Variants in L3MBTL4 observed in about 807,000 individuals in gnomAD.
The protein encoded by L3MBTL4 is L3MBTL histone methyl-lysine binding protein 4.
A neutral mutation model predicts 84.5 loss-of-function variants in L3MBTL4; 70 were observed. The observed-to-expected ratio is 0.83, with a 90% confidence interval of 0.68 to 1.01. The LOEUF (loss-of-function observed/expected upper bound fraction) is 1.01. Ranked by LOEUF, L3MBTL4 falls within the 50% of genes least tolerant of loss-of-function variation. The pLI, the probability that L3MBTL4 is intolerant of heterozygous loss-of-function variation, is 0.00. For missense variants in L3MBTL4, 715 were observed against 754.8 expected (o/e 0.95, Z 0.62); for synonymous variants, 274 against 259.8 (o/e 1.05, Z -0.52).
intron 16 of L3MBTL4, among the ~76,000 whole-genome samples, chr18:6,073,440 A>T (rs1046107020): frequency 4.6e-5 from 7 of 152,180 alleles, no homozygotes; most frequent in African/African-American, 1.7e-4. Context: ...AATAAAAAAA[A>T]CTTCAGTTTT....
intron 1 of L3MBTL4, among the ~76,000 whole-genome samples, chr18:6,359,039 A>G (rs2053565633): frequency 6.6e-6 from 1 of 152,216 alleles, no homozygotes; most frequent in Non-Finnish European, 1.5e-5. Flanking sequence ...ATTTTGTGCC[A>G]GTTACTTTCA....
At chr18:6,264,866 C>G (rs934568469) in intron 4 of L3MBTL4, among the ~76,000 whole-genome samples, 7 of 152,216 alleles carry the variant, frequency 4.6e-5, no homozygotes, top group Non-Finnish European at 2.9e-5. Flanking sequence ...TAGACACGCC[C>G]AAGGGGCAAA....
At chr18:6,105,469 C>G (rs951748934) in intron 14 of L3MBTL4, among the ~76,000 whole-genome samples, 12 of 151,576 alleles carry the variant, frequency 7.9e-5, no homozygotes, top group Admixed American at 2.0e-4. Context: ...GGATTACAGG[C>G]TTGAGCCACT....
chr18:6,163,493 T>A (rs2043470575), intron 13 of L3MBTL4, among the ~76,000 whole-genome samples: 1 of 152,136 alleles, frequency 6.6e-6, no homozygotes. Context: ...TAATCTTGAT[T>A]AATCTAAACA....
intron 4 of L3MBTL4, among the ~76,000 whole-genome samples, chr18:6,280,464 G>A (rs2049275717): frequency 6.6e-6 from 1 of 152,134 alleles, no homozygotes; most frequent in Admixed American, 6.5e-5. Flanking sequence ...CCTAAACTGT[G>A]TGCTAACAGA....
chr18:6,376,203 C>T (rs1313328649), intron 1 of L3MBTL4, among the ~76,000 whole-genome samples: 1 of 152,214 alleles, frequency 6.6e-6, no homozygotes, highest in Non-Finnish European at 1.5e-5. Flanking sequence ...TGTGCACTCA[C>T]TGCAGCCCAC....
intron 1 of L3MBTL4, among the ~76,000 whole-genome samples, chr18:6,322,374 A>C (rs1316156149): frequency 6.6e-6 from 1 of 151,186 alleles, no homozygotes; most frequent in East Asian, 2.0e-4. Flanking sequence ...GGAAAGAAAA[A>C]GAAAAAGAAA....
At position 5,990,772 on chromosome 18, in the gene L3MBTL4, T is replaced by G. The variant is rs564076; in HGVS notation, c.1445-21210A>C. On this transcript the variant is annotated intron_variant, in intron 16 of 18. Coordinates refer to ENST00000317931, the MANE Select transcript of L3MBTL4 (RefSeq NM_001330559.2). ...CAAACTTTAGTAGGGTTCATGTGGG[T>G]GTGTGTGTGTGTGTGTGTGTGTGTG... Among the ~76,000 whole-genome samples, 476 of 77,112 alleles carry G rather than the reference T, an allele frequency of 6.2e-3. 2 individuals are homozygous for G. Among genetic ancestry groups the G allele is most frequent in the African/African-American group, 0.016 (351 of 22,156 alleles). 50.6% of individuals were successfully genotyped at this position (77,112 alleles called of 152,430 possible).
chr18:6,380,437 T>C (rs1457342301), intron 1 of L3MBTL4, among the ~76,000 whole-genome samples: 2 of 152,234 alleles, frequency 1.3e-5, no homozygotes, highest in African/African-American at 4.8e-5. Context: ...CTTTTCTGCT[T>C]TCCCTTGTGG....
At position 5,978,014 on chromosome 18, in the gene L3MBTL4, C is replaced by T. The variant is rs527796419; in HGVS notation, c.1445-8452G>A. On this transcript the variant is annotated intron_variant, in intron 16 of 18. Coordinates refer to ENST00000317931, the MANE Select transcript of L3MBTL4 (RefSeq NM_001330559.2). Reference sequence around the variant, plus strand: ...TCATCCCCAGAGCTGCATGGCAGAGCGTGAACCTGACACATGGTGCGGTGT... The same window carrying T: ...TCATCCCCAGAGCTGCATGGCAGAGTGTGAACCTGACACATGGTGCGGTGT... Among the ~76,000 whole-genome samples the T allele has an allele frequency of 4.6e-5, 7 of 152,280 alleles. No homozygotes were observed. The South Asian group carries it at 8.3e-4, about 18-fold the overall frequency.
intron 10 of L3MBTL4, among the ~76,000 whole-genome samples, chr18:6,235,352 G>C (rs73385932): frequency 1.4e-4 from 21 of 152,042 alleles, no homozygotes; most frequent in African/African-American, 5.1e-4. Flanking sequence ...AAATAAAGAC[G>C]TATGTCCACA....
rs986386240 is a variant in L3MBTL4 at position 6,243,416 on chromosome 18, C to T, written c.338G>A (p.Arg113His). 7 of 1,602,208 alleles carry T rather than the reference C, an allele frequency of 4.4e-6. No individual in the cohort carries two copies. The highest frequency in any genetic ancestry group is 2.3e-5 in the South Asian group (2 of 87,462). Residue 113 changes from arginine (R) to histidine (H), a missense_variant, in exon 7 of 19, where the codon CGT (arginine) becomes CAT (histidine). Physicochemically the swap from Arg to His is conservative, Grantham distance 29. Coordinates refer to ENST00000317931, the MANE Select transcript of L3MBTL4 (RefSeq NM_001330559.2). ...VLSVAEVCGY[R>H]LRLHFDGYLS... Reference sequence around the variant, plus strand: ...ATAACCATCAAAATGAAGTCTTAGACGGTAACCACAAACCTGCAAGATAGA... The same window carrying T: ...ATAACCATCAAAATGAAGTCTTAGATGGTAACCACAAACCTGCAAGATAGA...
At chr18:5,982,065 G>T (rs2053254762) in intron 16 of L3MBTL4, among the ~76,000 whole-genome samples, 1 of 151,186 alleles carries the variant, frequency 6.6e-6, no homozygotes, top group African/African-American at 2.4e-5. Context: ...TAAATGGCAG[G>T]AACAAGTAAC....
chr18:6,096,243 C>T (rs1312165924), intron 14 of L3MBTL4, among the ~76,000 whole-genome samples: 1 of 152,152 alleles, frequency 6.6e-6, no homozygotes, highest in Non-Finnish European at 1.5e-5. Flanking sequence ...GAGAGATGTT[C>T]TGTTTCCCTC....
At chr18:6,109,374 C>T (rs2059117524) in intron 14 of L3MBTL4, among the ~76,000 whole-genome samples, 1 of 152,066 alleles carries the variant, frequency 6.6e-6, no homozygotes, top group Non-Finnish European at 1.5e-5. Context: ...ATTGTCATAA[C>T]CATTGTTATG....
intron 10 of L3MBTL4, among the ~76,000 whole-genome samples, chr18:6,221,799 A>C (rs1323262618): frequency 6.6e-6 from 1 of 152,180 alleles, no homozygotes. Context: ...CATTTGTTTC[A>C]AGTGTCTCTC....
At chr18:6,406,423 G>T (rs1387736022) in intron 1 of L3MBTL4, among the ~76,000 whole-genome samples, 1 of 151,942 alleles carries the variant, frequency 6.6e-6, no homozygotes, top group African/African-American at 2.4e-5. Flanking sequence ...CCTCCTTGTA[G>T]AGAATGTGCT....
chr18:6,085,600 T>C (rs1229349556), intron 15 of L3MBTL4, among the ~76,000 whole-genome samples: 1 of 152,158 alleles, frequency 6.6e-6, no homozygotes, highest in East Asian at 1.9e-4. Context: ...GTTTTATTAG[T>C]GTTTGGTAGT....
chr18:5,960,049 TATATATATATAC>T (rs764900418), intron 18 of L3MBTL4, 33 bp downstream of exon 18: 2 of 328,450 alleles, frequency 6.1e-6, no homozygotes, highest in South Asian at 1.1e-4. Context: ...CACACACATA[TATATATATATAC>T]ATATATATAT....
Sources: gnomAD v4.1 joint callset for allele counts (sites outside exome capture counted in the v4.1 genomes callset) on GRCh38, gnomAD v4.1.1 for gene constraint, MANE v1.5 for transcripts, NCBI Gene and HGNC (gene_info 2026-07-23, HGNC 2026-07-21) for gene names.